The following KAZN variants were observed in gnomAD, a reference collection of about 807,000 sequenced individuals.
The protein encoded by KAZN is kazrin.
In KAZN, 40 loss-of-function variants were observed where a neutral mutation model predicts 87.4. The observed-to-expected ratio is 0.46, with a 90% confidence interval of 0.36 to 0.60. The LOEUF is 0.60. Ranked by LOEUF, KAZN falls within the 20% of genes least tolerant of loss-of-function variation. KAZN has a pLI of 0.00. For missense variants in KAZN, 898 were observed against 1,073.9 expected (o/e 0.84, Z 2.29); for synonymous variants, 466 against 458.3 (o/e 1.02, Z -0.22).
intron 1 of KAZN, among the ~76,000 whole-genome samples, chr1:14,686,149 A>G (rs1421941900): frequency 1.3e-5 from 2 of 151,984 alleles, no homozygotes; most frequent in African/African-American, 4.8e-5. Flanking sequence ...GCTCACTGCA[A>G]CCTCCACCTC....
intron 2 of KAZN, among the ~76,000 whole-genome samples, chr1:14,556,620 T>C (rs554976722): frequency 1.9e-4 from 29 of 152,234 alleles, no homozygotes; most frequent in African/African-American, 6.7e-4. Context: ...TCAGTTTGTA[T>C]TCTGTTTTAT....
chr1:14,633,865 G>T (rs575123355), intron 1 of KAZN, among the ~76,000 whole-genome samples: 2 of 146,144 alleles, frequency 1.4e-5, no homozygotes, highest in African/African-American at 2.6e-5. Context: ...ATTTGCGCGC[G>T]CACTCTCTCT....
chr1:14,514,821 C>T lies in KAZN; in HGVS notation c.250-84162C>T, dbSNP rs866173051. ...TCATTCATAAAATGGAACTAATAAA[C>T]CAATGCACCTGATACAATTGTTGTT... On this transcript the variant is annotated intron_variant, in intron 2 of 16. Coordinates refer to the KAZN transcript ENST00000636203. 1.9e-4 allele frequency among the ~76,000 whole-genome samples: 29 copies of T among 151,580 alleles called. No homozygotes were observed. The Middle Eastern group carries it at 0.014, about 72-fold the overall frequency.
intron 4 of KAZN, among the ~76,000 whole-genome samples, chr1:15,048,680 CGTTG>C (rs1170902793): frequency 9.9e-5 from 14 of 141,842 alleles, no homozygotes; most frequent in East Asian, 2.1e-4. Context: ...GGTCCTGGGT[CGTTG>C]GTCCTGGGTC....
chr1:15,014,125 G>C (rs536495972), intron 2 of KAZN, among the ~76,000 whole-genome samples: 1 of 152,212 alleles, frequency 6.6e-6, no homozygotes, highest in Admixed American at 6.5e-5. Context: ...CTGAAATTCT[G>C]CCCTTGGTCC....
At chr1:15,103,659 CTCCTGTTA>C (rs1641179015) in intron 12 of KAZN, among the ~76,000 whole-genome samples, 199 bp downstream of exon 12, 1 of 150,162 alleles carries the variant, frequency 6.7e-6, no homozygotes, top group Non-Finnish European at 1.5e-5. Context: ...AATTACCTGC[CTCCTGTTA>C]TTCAGGAGGA....
chr1:14,306,167 A>G (rs1019407558), intron 2 of KAZN, among the ~76,000 whole-genome samples: 2 of 152,206 alleles, frequency 1.3e-5, no homozygotes, highest in Non-Finnish European at 2.9e-5. Flanking sequence ...ATTGTTTTGA[A>G]AAGTATTTCA....
At chr1:14,059,335 G>C (rs1642697595) in intron 1 of KAZN, among the ~76,000 whole-genome samples, 1 of 152,208 alleles carries the variant, frequency 6.6e-6, no homozygotes, top group South Asian at 2.1e-4. Flanking sequence ...GAAGGCCTGA[G>C]AGCCCCTGGC....
intron 2 of KAZN, among the ~76,000 whole-genome samples, chr1:15,029,025 T>C (rs1671431555): frequency 6.6e-6 from 1 of 152,166 alleles, no homozygotes; most frequent in African/African-American, 2.4e-5. Context: ...ATATCTTCCA[T>C]CCTTGTGCTC....
chr1:14,470,876 G>T (rs1250309324), intron 2 of KAZN, among the ~76,000 whole-genome samples: 1 of 152,172 alleles, frequency 6.6e-6, no homozygotes, highest in African/African-American at 2.4e-5. Context: ...CTAGGCTAAA[G>T]GCTGTGGCTT....
intron 2 of KAZN, among the ~76,000 whole-genome samples, chr1:14,375,365 C>G (rs1660814037): frequency 6.6e-6 from 1 of 152,112 alleles, no homozygotes; most frequent in Non-Finnish European, 1.5e-5. Flanking sequence ...AGCCTTCTCC[C>G]AGCACTAGAG....
intron 1 of KAZN, among the ~76,000 whole-genome samples, chr1:14,074,262 G>A (rs1360319465): frequency 1.3e-5 from 2 of 152,156 alleles, no homozygotes; most frequent in Non-Finnish European, 1.5e-5. Context: ...ACTGGGGAAA[G>A]CCGTCTTTGG....
At position 15,094,184 on chromosome 1, in the gene KAZN, G is replaced by T. The variant is rs375308992; in HGVS notation, c.1227G>T (p.Ser409=). The T allele has an allele frequency of 4.3e-6, 7 of 1,612,644 alleles. No individual in the cohort carries two copies. Among genetic ancestry groups the T allele is most frequent in the Non-Finnish European group, 5.9e-6 (7 of 1,179,770 alleles). Residue 409 remains serine, a synonymous_variant, in exon 9 of 15, where the codon TCG becomes TCT. Transcript: ENST00000376030. This position sits in a 1 kb window ranked among gnomAD's most constrained non-coding sequence, Gnocchi z 4.5. ...GCCTGCACTTGTGTGTTGCAGACTC[G>T]GACAGCCAGTGCAGCCCCACGCGGC... ...KSLDPGLFDD[S]DSQCSPTRQS...
At chr1:14,768,942 C>A (rs182409026) in intron 1 of KAZN, among the ~76,000 whole-genome samples, 2 of 152,192 alleles carry the variant, frequency 1.3e-5, no homozygotes, top group African/African-American at 4.8e-5. Flanking sequence ...TAAAAAGTAC[C>A]ATCACATTGG....
intron 8 of KAZN, among the ~76,000 whole-genome samples, chr1:15,093,070 T>C (rs1486303608): frequency 6.6e-6 from 1 of 151,778 alleles, no homozygotes; most frequent in Non-Finnish European, 1.5e-5. Context: ...TAGTGAAAAA[T>C]TGGAAACAAC....
chr1:14,806,417 C>T (rs1394651510), intron 1 of KAZN, among the ~76,000 whole-genome samples: 1 of 152,172 alleles, frequency 6.6e-6, no homozygotes, highest in East Asian at 1.9e-4. Flanking sequence ...AGCTTCCTGG[C>T]AAGATGCTGA....
At chr1:14,389,474 G>C (rs1025386602) in intron 2 of KAZN, among the ~76,000 whole-genome samples, 2 of 132,440 alleles carry the variant, frequency 1.5e-5, no homozygotes, top group African/African-American at 5.1e-5. Flanking sequence ...CAGATGAATG[G>C]ATAAAAAAAA....
intron 1 of KAZN, among the ~76,000 whole-genome samples, chr1:14,653,561 G>A (rs1172852750): frequency 6.6e-6 from 1 of 152,184 alleles, no homozygotes; most frequent in African/African-American, 2.4e-5. Flanking sequence ...AGTTTTAAAT[G>A]TGTATAACTC....
intron 2 of KAZN, among the ~76,000 whole-genome samples, chr1:14,305,725 G>T (rs184522312): frequency 6.6e-6 from 1 of 151,356 alleles, no homozygotes; most frequent in African/African-American, 2.4e-5. Flanking sequence ...GCAGGGTATC[G>T]CTAAGAACCA....
Sources: allele counts gnomAD v4.1 joint callset (sites outside exome capture counted in the v4.1 genomes callset), GRCh38; gene constraint gnomAD v4.1.1; non-coding constraint Gnocchi (gnomAD v3.1); transcripts MANE v1.5; gene names NCBI Gene and HGNC (gene_info 2026-07-23, HGNC 2026-07-21).